CNTN6: variants seen among roughly 807,000 people sequenced by gnomAD.
The protein encoded by CNTN6 is contactin-6.
A neutral mutation model predicts 122.8 loss-of-function variants in CNTN6; 137 were observed. The ratio of observed to expected loss-of-function variants is 1.12; its 90% confidence interval spans 0.97 to 1.29. The LOEUF is 1.29. CNTN6 is among the 50% of genes most tolerant of loss of function. CNTN6 has a pLI of 0.00. For missense variants in CNTN6, 1,634 were observed against 1,223.4 expected (o/e 1.34, Z -5.01); for synonymous variants, 570 against 426.0 (o/e 1.34, Z -4.16).
chr3:1,258,070 C>T (rs999648044), intron 4 of CNTN6, among the ~76,000 whole-genome samples: 3 of 152,090 alleles, frequency 2.0e-5, no homozygotes, highest in African/African-American at 7.2e-5. Context: ...AATCAGTCCC[C>T]TCCAAGTTGT....
chr3:1,250,680 G>T (rs187443001), intron 4 of CNTN6, among the ~76,000 whole-genome samples: 1 of 152,002 alleles, frequency 6.6e-6, no homozygotes, highest in African/African-American at 2.4e-5. Flanking sequence ...CCAATCCTCC[G>T]CAGCTTGTGA....
chr3:1,164,502 G>A lies in CNTN6; in HGVS notation c.55+16439G>A, dbSNP rs1247049196. 2.0e-5 allele frequency among the ~76,000 whole-genome samples: 3 copies of A among 150,452 alleles called. No individual in the cohort carries two copies. The East Asian group carries it at 5.8e-4, about 29-fold the overall frequency. On this transcript the variant is annotated intron_variant, in intron 2 of 22. Transcript: ENST00000446702. The stretch of plus-strand genomic sequence containing the variant: ...CCTGATTGAACCTTAACTAGTATCT[G>A]TACAGTTCAAATTTGTCATACATGA...
intron 2 of CNTN6, among the ~76,000 whole-genome samples, chr3:1,214,718 G>T (rs1471828919): frequency 6.6e-6 from 1 of 152,058 alleles, no homozygotes; most frequent in Non-Finnish European, 1.5e-5. Flanking sequence ...AAATGGTACT[G>T]TTTAAAATCC....
chr3:1,376,888 ACT>A (rs1198727817), intron 16 of CNTN6, 115 bp from the exon 17 acceptor site: 25 of 625,772 alleles, frequency 4.0e-5, no homozygotes, highest in Non-Finnish European at 6.8e-5. Context: ...AAAATGCAAG[ACT>A]CTCTCACAGT....
At chr3:1,143,304 A>C (rs1390881756) in intron 1 of CNTN6, among the ~76,000 whole-genome samples, 2 of 152,284 alleles carry the variant, frequency 1.3e-5, no homozygotes, top group East Asian at 3.9e-4. Flanking sequence ...TGCAAGAAAA[A>C]GTAAATACAC....
intron 2 of CNTN6, among the ~76,000 whole-genome samples, chr3:1,171,902 C>T (rs773677534): frequency 1.3e-5 from 2 of 152,266 alleles, no homozygotes; most frequent in Non-Finnish European, 2.9e-5. Flanking sequence ...CTACCACACT[C>T]GGCCTGCTGT....
intron 8 of CNTN6, among the ~76,000 whole-genome samples, chr3:1,324,377 C>T (rs265788): frequency 0.046 from 6,854 of 149,796 alleles, 485 homozygotes; most frequent in African/African-American, 0.06. Flanking sequence ...ACTTCAGCCA[C>T]TGCTACGGTG....
At chr3:1,175,573 A>T (rs2093433945) in intron 2 of CNTN6, among the ~76,000 whole-genome samples, 1 of 152,198 alleles carries the variant, frequency 6.6e-6, no homozygotes, top group Non-Finnish European at 1.5e-5. Context: ...ATTACTAAGG[A>T]TACTCTACTA....
chr3:1,300,475 GGAAGGAAGGAAGGAAGGA>G (rs1218718363), intron 7 of CNTN6, among the ~76,000 whole-genome samples: 8,141 of 137,860 alleles, frequency 0.059, 892 homozygotes, highest in African/African-American at 0.23. Context: ...AAGGAAGGAA[GGAAGGAAGGAAGGAAGGA>G]AAAAGAAAAG....
chr3:1,243,368 G>T (rs368921199), intron 4 of CNTN6, among the ~76,000 whole-genome samples: 2 of 152,044 alleles, frequency 1.3e-5, no homozygotes, highest in Non-Finnish European at 2.9e-5. Context: ...TGGGGTTTGT[G>T]TCACAGTGGA....
chr3:1,342,458 C>T (rs1210287297), intron 11 of CNTN6, among the ~76,000 whole-genome samples: 1 of 152,116 alleles, frequency 6.6e-6, no homozygotes, highest in East Asian at 1.9e-4. Context: ...ACTTGCTTTC[C>T]AGCAAAACAT....
chr3:1,225,073 G>T (rs542851266), intron 3 of CNTN6, among the ~76,000 whole-genome samples: 3 of 152,244 alleles, frequency 2.0e-5, no homozygotes, highest in Admixed American at 1.3e-4. Context: ...ACACAGGACT[G>T]AACTACTTAA....
intron 12 of CNTN6, among the ~76,000 whole-genome samples, chr3:1,352,803 T>A (rs1705867049): frequency 6.6e-6 from 1 of 151,840 alleles, no homozygotes; most frequent in South Asian, 2.1e-4. Flanking sequence ...TCAGAATCTT[T>A]ATTTTTATTT....
chr3:1,215,338 T>C (rs1367798696), intron 2 of CNTN6, among the ~76,000 whole-genome samples: 1 of 152,226 alleles, frequency 6.6e-6, no homozygotes, highest in African/African-American at 2.4e-5. Flanking sequence ...CATTGTTTTA[T>C]TATCTGTGCT....
In CNTN6 at chr3:1,103,033, G is replaced by A. The variant is rs993376204; in HGVS notation, c.-83+9913G>A. On this transcript the variant is annotated intron_variant, in intron 1 of 22. Coordinates refer to ENST00000446702, the MANE Select transcript of CNTN6 (RefSeq NM_001289080.2). ...AGGCAGGAGAATGGCGGGAACCCGG[G>A]AGGCGGAGCTTGCAGTGAGCCAAGA... 1.5e-4 allele frequency among the ~76,000 whole-genome samples: 23 copies of A among 151,608 alleles called. No individual in the cohort carries two copies. In the East Asian group the frequency reaches 3.1e-3, roughly 21 times the overall value.
intron 8 of CNTN6, among the ~76,000 whole-genome samples, chr3:1,323,095 T>A (rs189746685): frequency 2.0e-5 from 3 of 151,854 alleles, no homozygotes; most frequent in East Asian, 3.9e-4. Context: ...TGGAAATCAA[T>A]AATAAAGTAC....
In CNTN6 at chr3:1,271,537, G is replaced by A. The variant is rs190003063; in HGVS notation, c.359-6876G>A. Among the ~76,000 whole-genome samples, 334 of 152,282 alleles carry A rather than the reference G, an allele frequency of 2.2e-3. 2 individuals carry two copies. Among genetic ancestry groups the A allele is most frequent in the Middle Eastern group, 0.014 (4 of 294 alleles). On this transcript the variant is annotated intron_variant, in intron 4 of 22. Coordinates refer to ENST00000446702, the MANE Select transcript of CNTN6 (RefSeq NM_001289080.2). ...CCTCTGTTGTATGTGCTGGTGGGCGGTGCATAGCTCTCTATGTTGGTCAAA... is the reference window on the plus strand; with the variant it reads ...CCTCTGTTGTATGTGCTGGTGGGCGATGCATAGCTCTCTATGTTGGTCAAA...
intron 5 of CNTN6, among the ~76,000 whole-genome samples, chr3:1,285,692 T>G (rs929508809): frequency 1.2e-4 from 19 of 152,194 alleles, no homozygotes; most frequent in African/African-American, 4.6e-4. Context: ...CTCAACTAAC[T>G]ATAACATAGC....
At position 1,385,679 on chromosome 3, in the gene CNTN6, A is replaced by C. The variant is rs773457876; in HGVS notation, c.2586A>C (p.Thr862=). 41 of 1,613,956 alleles carry C rather than the reference A, an allele frequency of 2.5e-5. No homozygotes were observed. The highest frequency in any genetic ancestry group is 3.1e-5 in the Non-Finnish European group (37 of 1,179,956). The change falls in exon 20 of 23, where the codon ACA becomes ACC. Residue 862 remains threonine (T), a synonymous_variant. Coordinates refer to ENST00000446702, the MANE Select transcript of CNTN6 (RefSeq NM_001289080.2). ...IGKIRVSGNV[T]TKNITGLKAN... is the part of the protein sequence containing the mutation. ...AAATTAGAGTCAGTGGAAATGTCACAACCAAAAACATCACGGGGCTGAAAG... is the reference window on the plus strand; with the variant it reads ...AAATTAGAGTCAGTGGAAATGTCACCACCAAAAACATCACGGGGCTGAAAG...
Sources: gnomAD v4.1 joint callset for allele counts (sites outside exome capture counted in the v4.1 genomes callset) on GRCh38, gnomAD v4.1.1 for gene constraint, MANE v1.5 for transcripts, NCBI Gene and HGNC (gene_info 2026-07-23, HGNC 2026-07-21) for gene names.